The following ATP9B variants were observed in gnomAD, a reference collection of about 807,000 sequenced individuals.
The protein encoded by ATP9B is probable phospholipid-transporting ATPase IIB.
ATP9B carries 110 observed loss-of-function variants against 146.1 expected under a neutral mutation model. That is an observed-to-expected ratio of 0.75 (90% confidence interval 0.65 to 0.88). The LOEUF (loss-of-function observed/expected upper bound fraction) is 0.88. Ranked by LOEUF, ATP9B falls within the 40% of genes least tolerant of loss-of-function variation. ATP9B has a pLI of 0.00. For synonymous variants in ATP9B, 604 were observed against 569.7 expected, an observed-to-expected ratio of 1.06 and a Z score of -0.86; for missense variants, 1,499 against 1,496.4, an observed-to-expected ratio of 1.00 and a Z score of -0.03.
intron 7 of ATP9B, among the ~76,000 whole-genome samples, chr18:79,160,065 CTG>C (rs2094854275): frequency 6.6e-6 from 1 of 152,148 alleles, no homozygotes; most frequent in Non-Finnish European, 1.5e-5. Flanking sequence ...TGTTTGTGTT[CTG>C]TGTGTCTTGT....
rs1205646426 is a variant in ATP9B at position 79,358,717 on chromosome 18, A to T, written c.2904-637A>T. On this transcript the variant is annotated intron_variant, in intron 25 of 29. Transcript: ENST00000426216. Reference sequence around the variant, plus strand: ...TGTGTGAGGGGTGCCCTGGGTCTGGAGGTGTCCGTGTGAGGGACCCTGTGT... The same window carrying T: ...TGTGTGAGGGGTGCCCTGGGTCTGGTGGTGTCCGTGTGAGGGACCCTGTGT... 1.0e-3 allele frequency among the ~76,000 whole-genome samples: 39 copies of T among 38,598 alleles called. 1 individual carries two copies. The highest frequency in any genetic ancestry group is 4.2e-3 in the African/African-American group (34 of 8,164). The allele number at this position is 38,598 out of a possible 152,430, so 25.3% of individuals were successfully genotyped here. A position where few individuals can be genotyped will look rare whatever the true frequency, so the allele number is the denominator to read the frequency against.
At chr18:79,206,032 C>T (rs1187936517) in intron 9 of ATP9B, among the ~76,000 whole-genome samples, 1 of 151,910 alleles carries the variant, frequency 6.6e-6, no homozygotes, top group Non-Finnish European at 1.5e-5. Context: ...GCTCTGCCTC[C>T]CGGGTTCACG....
In ATP9B at chr18:79,307,167, A is replaced by C. The variant is rs1371877418; in HGVS notation, c.1706A>C (p.Glu569Ala). ...ESRAGVTEET[E>A]FAEADQDFSD... ...CGGGCCGGCGTTACTGAGGAGACTG[A>C]GTTCGCAGAGGCTGACCAAGACTTC... The change falls in exon 15 of 30, where the codon GAG becomes GCG. Residue 569 changes from glutamate to alanine, a missense_variant. Physicochemically the swap from Glu to Ala is moderately radical, Grantham distance 107 (BLOSUM62 -1). Coordinates refer to ENST00000426216, the MANE Select transcript of ATP9B (RefSeq NM_198531.5). The C allele has an allele frequency of 1.2e-6, 2 of 1,614,234 alleles. No individual in the cohort carries two copies.
At chr18:79,256,387 G>T (rs560782423) in intron 12 of ATP9B, among the ~76,000 whole-genome samples, 1 of 149,860 alleles carries the variant, frequency 6.7e-6, no homozygotes, top group African/African-American at 2.4e-5. Context: ...TAGCTAGGTG[G>T]TAGTGGTGTT....
intron 12 of ATP9B, among the ~76,000 whole-genome samples, chr18:79,255,500 T>C (rs376934092): frequency 9.8e-5 from 15 of 152,354 alleles, no homozygotes; most frequent in African/African-American, 3.4e-4. Context: ...ATTGTTGTAT[T>C]GTCCAGTGTC....
intron 26 of ATP9B, among the ~76,000 whole-genome samples, chr18:79,369,345 C>T (rs1415319378): frequency 6.6e-6 from 1 of 151,360 alleles, no homozygotes; most frequent in Non-Finnish European, 1.5e-5. Context: ...CAGCCTGGCT[C>T]ACACGGTGAA....
chr18:79,329,967 C>A, intron 16 of ATP9B, 45 bp from the exon 17 acceptor site: 1 of 1,543,164 alleles, frequency 6.5e-7, no homozygotes, highest in Non-Finnish European at 9.0e-7. Context: ...TTGCCCCGAG[C>A]AATGCAGCCT....
chr18:79,295,095 C>G (rs2096538009), intron 13 of ATP9B, among the ~76,000 whole-genome samples: 1 of 63,630 alleles, frequency 1.6e-5, no homozygotes, highest in Non-Finnish European at 2.8e-5. Flanking sequence ...TGCAAGCACA[C>G]ACATACACAG....
intron 17 of ATP9B, among the ~76,000 whole-genome samples, chr18:79,334,312 G>A (rs377388995): frequency 6.6e-6 from 1 of 151,996 alleles, no homozygotes; most frequent in African/African-American, 2.4e-5. Context: ...AGCCGAGATC[G>A]TGCCACTGCA....
At chr18:79,072,265 G>A (rs1327453189) in intron 1 of ATP9B, among the ~76,000 whole-genome samples, 1 of 151,908 alleles carries the variant, frequency 6.6e-6, no homozygotes, top group African/African-American at 2.4e-5. Context: ...TGTGAACAAA[G>A]GTCTCTGGTT....
chr18:79,206,409 A>G (rs1049164416), intron 9 of ATP9B, among the ~76,000 whole-genome samples: 3 of 152,162 alleles, frequency 2.0e-5, no homozygotes, highest in Non-Finnish European at 4.4e-5. Flanking sequence ...TATGCTATGC[A>G]CGCAAAAGAA....
chr18:79,183,471 C>A (rs1444331108), intron 8 of ATP9B, among the ~76,000 whole-genome samples: 1 of 152,004 alleles, frequency 6.6e-6, no homozygotes, highest in Non-Finnish European at 1.5e-5. Flanking sequence ...ATAATTCTTA[C>A]CTAAGAAAAT....
intron 3 of ATP9B, among the ~76,000 whole-genome samples, chr18:79,111,557 T>C (rs1381322667): frequency 6.6e-6 from 1 of 152,226 alleles, no homozygotes; most frequent in African/African-American, 2.4e-5. Flanking sequence ...TTCGCATCTT[T>C]ATTGAATGAA....
At chr18:79,284,521 C>T (rs1481507316) in intron 13 of ATP9B, among the ~76,000 whole-genome samples, 2 of 152,126 alleles carry the variant, frequency 1.3e-5, no homozygotes, top group Non-Finnish European at 2.9e-5. Flanking sequence ...TTTGGCTTCA[C>T]TTTTAAAAAG....
At chr18:79,181,769 T>C (rs1317943620) in intron 8 of ATP9B, among the ~76,000 whole-genome samples, 1 of 152,246 alleles carries the variant, frequency 6.6e-6, no homozygotes, top group Non-Finnish European at 1.5e-5. Flanking sequence ...TCATTTTTGT[T>C]GTTTAAATAC....
chr18:79,198,188 A>G (rs1443316955), intron 9 of ATP9B, among the ~76,000 whole-genome samples: 1 of 152,164 alleles, frequency 6.6e-6, no homozygotes, highest in African/African-American at 2.4e-5. Context: ...AAACTCAAAA[A>G]CCTAAGTTTA....
intron 1 of ATP9B, among the ~76,000 whole-genome samples, chr18:79,073,967 A>AT (rs1426202138): frequency 6.6e-6 from 1 of 151,826 alleles, no homozygotes; most frequent in Non-Finnish European, 1.5e-5. Context: ...ATGGTTTTCG[A>AT]TTGTCTCTTG....
intron 13 of ATP9B, among the ~76,000 whole-genome samples, chr18:79,300,774 C>T (rs553152514): frequency 6.6e-6 from 1 of 152,288 alleles, no homozygotes; most frequent in Admixed American, 6.5e-5. Context: ...CATTTAAAAT[C>T]CTAAAGAAGT....
chr18:79,356,824 TG>T (rs2096956908), intron 25 of ATP9B, among the ~76,000 whole-genome samples: 1 of 113,016 alleles, frequency 8.8e-6, no homozygotes. Flanking sequence ...TGGAGGTGTC[TG>T]TGTGAGGGAT....
Sources: gnomAD v4.1 joint callset for allele counts (sites outside exome capture counted in the v4.1 genomes callset) on GRCh38, gnomAD v4.1.1 for gene constraint, MANE v1.5 for transcripts, NCBI Gene and HGNC (gene_info 2026-07-23, HGNC 2026-07-21) for gene names.